TF: variants seen among roughly 807,000 people sequenced by gnomAD.
TF encodes the protein serotransferrin.
TF carries 55 observed loss-of-function variants against 82.4 expected under a neutral mutation model. The observed-to-expected ratio is 0.67, with a 90% CI of 0.54 to 0.84. The LOEUF is 0.84. Among genes scored for constraint, TF ranks in the 40% least tolerant of loss-of-function variants. The pLI, the probability that TF is intolerant of heterozygous loss-of-function variation, is 0.00. For missense variants in TF, 737 were observed against 868.4 expected (o/e 0.85, Z 1.90); for synonymous variants, 332 against 332.6 (o/e 1.00, Z 0.02).
chr3:133,710,487 C>T, the TF span, among the ~76,000 whole-genome samples: 3 of 152,286 alleles, frequency 2.0e-5, no homozygotes, highest in South Asian at 4.1e-4. Flanking sequence ...TAATTGTCCA[C>T]ACACCTCAAA....
Position 133,790,055 on chromosome 3 carries a change from G to T in TF, c.*11435G>T, listed in dbSNP as rs1282565678. 6.6e-6 allele frequency: 1 copy of T among 152,080 alleles called. No homozygotes were observed. Among genetic ancestry groups the T allele is most frequent in the Non-Finnish European group, 1.5e-5 (1 of 68,006 alleles). The allele number at this position is 152,080 out of a possible 1,614,324, so 9.4% of individuals were successfully genotyped here. On this transcript the variant is annotated 3_prime_UTR_variant, in exon 17 of 17. Coordinates refer to ENST00000402696, the MANE Select transcript of TF (RefSeq NM_001063.4). ...AACAGGGAAATAACTGACTTTAAAA[G>T]ATAGTGTCTAACATTTCGGTTTACA...
chr3:133,684,593 A>G, the TF span, among the ~76,000 whole-genome samples: 10 of 152,230 alleles, frequency 6.6e-5, no homozygotes, highest in African/African-American at 2.4e-4. Flanking sequence ...CAAATAAACT[A>G]GAAAATCTAG....
At chr3:133,732,500 G>A in the TF span, among the ~76,000 whole-genome samples, 1 of 152,204 alleles carries the variant, frequency 6.6e-6, no homozygotes, top group African/African-American at 2.4e-5. Context: ...GGCCACCAGA[G>A]CCAACAGCGG....
chr3:133,732,794 C>T, the TF span, among the ~76,000 whole-genome samples: 1,664 of 150,932 alleles, frequency 0.011, 30 homozygotes, highest in African/African-American at 0.038. Context: ...TTGAACTCAG[C>T]GAGACCAATG....
the TF span, among the ~76,000 whole-genome samples, chr3:133,691,432 A>G: frequency 6.6e-6 from 1 of 152,222 alleles, no homozygotes; most frequent in Non-Finnish European, 1.5e-5. Flanking sequence ...CTCCACCTTC[A>G]TGGAGCTTAC....
rs1325708508 is a variant in TF at position 133,789,232 on chromosome 3, T to C, written c.*10612T>C. The C allele has an allele frequency of 6.6e-6, 1 of 152,356 alleles. No homozygotes were observed. Among genetic ancestry groups the C allele is most frequent in the Non-Finnish European group, 1.5e-5 (1 of 68,146 alleles). 9.4% of individuals were successfully genotyped at this position (152,356 alleles called of 1,614,324 possible). On this transcript the variant is annotated 3_prime_UTR_variant, in exon 17 of 17. Coordinates refer to ENST00000402696, the MANE Select transcript of TF (RefSeq NM_001063.4). The stretch of plus-strand genomic sequence containing the variant: ...CAGTTGCAATACTGTTTGGCCCCAA[T>C]ATGGTTTGGATTCTGGCATTTGCTG...
the TF span, among the ~76,000 whole-genome samples, chr3:133,728,527 G>A: frequency 3.5e-3 from 532 of 152,208 alleles, 5 homozygotes; most frequent in African/African-American, 0.012. Context: ...GCACTTCTCT[G>A]TATTGGTTAT....
At position 133,759,199 on chromosome 3, in the gene TF, G is replaced by C. The variant is rs760479115; in HGVS notation, c.1073G>C (p.Cys358Ser). The C allele has an allele frequency of 3.1e-6, 5 of 1,614,028 alleles. No individual in the cohort carries two copies. The highest frequency in any genetic ancestry group is 1.7e-5 in the Admixed American group (1 of 60,022). The change falls in exon 9 of 17, where the codon TGC becomes TCC. Residue 358 changes from cysteine to serine, a missense_variant. By Grantham distance (112) the Cys-to-Ser change is moderately radical. Coordinates refer to ENST00000402696, the MANE Select transcript of TF (RefSeq NM_001063.4). ...GGCCCAGAAGCCCCAACAGATGAAT[G>C]CAAGCCTGTGAAGTGGTGTGCGCTG... is the stretch of plus-strand genomic sequence containing the variant. Reference protein sequence around the residue: ...GTCPEAPTDECKPVKWCALSH... With the variant: ...GTCPEAPTDESKPVKWCALSH...
In TF at chr3:133,789,886, T is replaced by A. The variant is rs1233104871; in HGVS notation, c.*11266T>A. On this transcript the variant is annotated 3_prime_UTR_variant, in exon 17 of 17. Coordinates refer to ENST00000402696, the MANE Select transcript of TF (RefSeq NM_001063.4). ...CAAAACGATCTCGTTTGCGTTTTTT[T>A]TTTTTTTTTTTTTTTTTTTTTTGAC... The A allele has an allele frequency of 2.4e-5, 1 of 42,244 alleles. No homozygotes were observed. Among genetic ancestry groups the A allele is most frequent in the Non-Finnish European group, 6.9e-5 (1 of 14,518 alleles). 2.6% of individuals were successfully genotyped at this position (42,244 alleles called of 1,614,324 possible).
At chr3:133,684,412 G>A in the TF span, among the ~76,000 whole-genome samples, 1 of 151,658 alleles carries the variant, frequency 6.6e-6, no homozygotes, top group Non-Finnish European at 1.5e-5. Flanking sequence ...AATGAATCCA[G>A]GAGCTGGTTT....
At chr3:133,689,419 G>A in the TF span, among the ~76,000 whole-genome samples, 191 of 152,180 alleles carry the variant, frequency 1.3e-3, 1 homozygote, top group Non-Finnish European at 1.7e-3. Flanking sequence ...AACATATGCT[G>A]TATTTCCAGA....
chr3:133,771,147 GA>G (rs1480987885), intron 14 of TF, among the ~76,000 whole-genome samples: 16 of 152,178 alleles, frequency 1.1e-4, no homozygotes, highest in Admixed American at 4.6e-4. Flanking sequence ...GCTGGGGCAG[GA>G]AAAATAGATG....
chr3:133,778,865 T>G lies in TF; in HGVS notation c.*245T>G. 2 of 412,820 alleles carry G rather than the reference T, an allele frequency of 4.8e-6. No homozygotes were observed. Among genetic ancestry groups the G allele is most frequent in the Non-Finnish European group, 9.0e-6 (2 of 221,474 alleles). 25.6% of individuals were successfully genotyped at this position (412,820 alleles called of 1,614,324 possible). A position where few individuals can be genotyped will look rare whatever the true frequency, so the allele number is the denominator to read the frequency against. ...CATTCTGCCTAAATACCTATGCAAC[T>G]GAGCCCTTCCTTCTCAGCTCAAGAT... On this transcript the variant is annotated 3_prime_UTR_variant, in exon 17 of 17. Transcript: ENST00000402696.
At position 133,768,784 on chromosome 3, in the gene TF, A is replaced by ATT. The variant is rs5852766; in HGVS notation, c.1622+644_1622+645dup. Among the ~76,000 whole-genome samples, 407 of 82,148 alleles carry ATT rather than the reference A, an allele frequency of 5.0e-3. 5 individuals carry two copies. The highest frequency in any genetic ancestry group is 0.012 in the African/African-American group (234 of 19,586). The allele number at this position is 82,148 out of a possible 152,430, so 53.9% of individuals were successfully genotyped here. ...CATAGAGATACCTGTGTACCTTGCT[A>ATT]TTTTTTTTTTTTTTTTTTTTTTTTT... On this transcript the variant is annotated intron_variant, in intron 13 of 16. Coordinates refer to ENST00000402696, the MANE Select transcript of TF (RefSeq NM_001063.4).
At chr3:133,743,527 C>A (rs1244293511), upstream of TF, among the ~76,000 whole-genome samples, 2 of 152,090 alleles carry the variant, frequency 1.3e-5, no homozygotes, top group Non-Finnish European at 2.9e-5. Context: ...CACTCTGGAA[C>A]CAGACTGCCT....
chr3:133,700,543 G>A, the TF span, among the ~76,000 whole-genome samples: 2 of 152,232 alleles, frequency 1.3e-5, no homozygotes, highest in African/African-American at 4.8e-5. Flanking sequence ...TTAGGATGGA[G>A]ACCGCCACGG....
chr3:133,672,604 G>T, the TF span, among the ~76,000 whole-genome samples: 128 of 152,134 alleles, frequency 8.4e-4, 1 homozygote, highest in African/African-American at 3.0e-3. Flanking sequence ...GTGCACTGCT[G>T]TAGCCCCAGC....
In TF at chr3:133,770,568, TG is replaced by T. The variant is rs757490163; in HGVS notation, c.1687+1del. The T allele has an allele frequency of 3.1e-6, 5 of 1,613,962 alleles. No individual in the cohort carries two copies. In the African/African-American group the frequency reaches 6.7e-5, roughly 22 times the overall value. ...VKHQTVPQNT[G>X]GKNPDPWAKN... ...AACACCAGACTGTCCCACAGAACAC[TG>T]GGGGTAAGTGCACCTGCTCCTCTGT... On this transcript the variant is annotated frameshift_variant, in exon 14 of 17. Coordinates refer to ENST00000402696, the MANE Select transcript of TF (RefSeq NM_001063.4). LOFTEE classifies it high-confidence loss of function.
At chr3:133,754,052 G>A in intron 3 of TF, 6 of 458,358 alleles carry the variant, frequency 1.3e-5, no homozygotes, top group Non-Finnish European at 2.4e-5. Flanking sequence ...TCACACAGGA[G>A]GGGTCACTCT....
Sources: allele counts gnomAD v4.1 joint callset (sites outside exome capture counted in the v4.1 genomes callset), GRCh38; gene constraint gnomAD v4.1.1; transcripts MANE v1.5; gene names NCBI Gene and HGNC (gene_info 2026-07-23, HGNC 2026-07-21).